The following MRAP2 variants were observed in gnomAD, a reference collection of about 807,000 sequenced individuals.
MRAP2 encodes melanocortin 2 receptor accessory protein 2.
In MRAP2, 20 loss-of-function variants were observed where a neutral mutation model predicts 17.4. The observed-to-expected ratio is 1.15, with a 90% CI of 0.81 to 1.67. The LOEUF is 1.67. Ranked by LOEUF, MRAP2 falls within the 40% of genes most tolerant of loss-of-function variation. The pLI is 0.00. For synonymous variants in MRAP2, 96 were observed against 88.4 expected, an observed-to-expected ratio of 1.09 and a Z score of -0.48; for missense variants, 238 against 240.0, an observed-to-expected ratio of 0.99 and a Z score of 0.05.
chr6:84,050,740 G>C (rs1204139514), intron 1 of MRAP2, among the ~76,000 whole-genome samples: 1 of 152,224 alleles, frequency 6.6e-6, no homozygotes, highest in Non-Finnish European at 1.5e-5. Context: ...GACCTTTCTG[G>C]CCTGGGCCAG....
chr6:84,116,774 T>G, the MRAP2 span, among the ~76,000 whole-genome samples: 1 of 152,234 alleles, frequency 6.6e-6, no homozygotes, highest in Non-Finnish European at 1.5e-5. Flanking sequence ...AGTTTTCTTA[T>G]GTGATGAATC....
chr6:84,078,146 A>G (rs2099498063), intron 3 of MRAP2, among the ~76,000 whole-genome samples: 1 of 152,198 alleles, frequency 6.6e-6, no homozygotes, highest in South Asian at 2.1e-4. Context: ...ATTGATAAAC[A>G]ACTGATTAAA....
At chr6:84,033,706 C>T (rs912818977), upstream of MRAP2, 2 of 985,110 alleles carry the variant, frequency 2.0e-6, no homozygotes, top group Non-Finnish European at 2.4e-6. Context: ...CCTGCTCCGG[C>T]GCCCCGCGCC....
chr6:84,139,122 C>T, the MRAP2 span, among the ~76,000 whole-genome samples: 1 of 152,170 alleles, frequency 6.6e-6, no homozygotes, highest in Non-Finnish European at 1.5e-5. Context: ...GGAAGAAAAG[C>T]TCTCTATCCT....
chr6:84,114,652 C>T, the MRAP2 span, among the ~76,000 whole-genome samples: 2 of 152,078 alleles, frequency 1.3e-5, no homozygotes, highest in Admixed American at 1.3e-4. Flanking sequence ...GGAGAAGAGG[C>T]ATTCTGGTTT....
At chr6:84,063,032 A>G (rs1464811910) in intron 3 of MRAP2, 40 bp downstream of exon 3, 8 of 1,613,000 alleles carry the variant, frequency 5.0e-6, no homozygotes, top group Non-Finnish European at 6.8e-6. Context: ...TAAGCCTCAC[A>G]GGAGACTGAG....
Position 84,083,563 on chromosome 6 carries a change from A to C in MRAP2, c.228-5528A>C, listed in dbSNP as rs185867724. 5.0e-3 allele frequency among the ~76,000 whole-genome samples: 764 copies of C among 152,308 alleles called. 9 individuals are homozygous for C. The highest frequency in any genetic ancestry group is 0.016 in the African/African-American group (675 of 41,570). On this transcript the variant is annotated intron_variant, in intron 3 of 3. Coordinates refer to ENST00000257776, the MANE Select transcript of MRAP2 (RefSeq NM_138409.4). ...GTTTATAATTTTATCACCTTAAAAC[A>C]TCTAGTACAATCTTGATGAACAGTA... is the stretch of plus-strand genomic sequence containing the variant.
chr6:84,070,854 G>A (rs1588648046), intron 3 of MRAP2, among the ~76,000 whole-genome samples: 1 of 152,116 alleles, frequency 6.6e-6, no homozygotes, highest in East Asian at 1.9e-4. Flanking sequence ...TTGCTTTAAA[G>A]TTTGTTTTGT....
intron 2 of MRAP2, among the ~76,000 whole-genome samples, chr6:84,059,919 T>G (rs1038523858): frequency 6.6e-6 from 1 of 152,326 alleles, no homozygotes; most frequent in Non-Finnish European, 1.5e-5. Flanking sequence ...GTAGTGCCTA[T>G]GCCCATGAAA....
chr6:84,126,525 T>C, the MRAP2 span: 1 of 1,488,726 alleles, frequency 6.7e-7, no homozygotes, highest in Non-Finnish European at 9.0e-7. Context: ...AAAATTGACA[T>C]ATGAAGCAAA....
At chr6:84,097,102 TC>T in the MRAP2 span, among the ~76,000 whole-genome samples, 2 of 152,206 alleles carry the variant, frequency 1.3e-5, no homozygotes, top group African/African-American at 4.8e-5. Flanking sequence ...GCTTCCCATT[TC>T]ATGCAGTGAA....
chr6:84,092,795 T>G (rs554834814), downstream of MRAP2, among the ~76,000 whole-genome samples: 1 of 152,236 alleles, frequency 6.6e-6, no homozygotes, highest in East Asian at 1.9e-4. Flanking sequence ...TCAATCCCCA[T>G]TTGGTTGAAA....
At chr6:84,049,228 C>A (rs1406644757) in intron 1 of MRAP2, among the ~76,000 whole-genome samples, 1 of 152,088 alleles carries the variant, frequency 6.6e-6, no homozygotes, top group Non-Finnish European at 1.5e-5. Flanking sequence ...AGTTTGAGAC[C>A]AACCTTGCCA....
In MRAP2 at chr6:84,055,411, A is replaced by G. The variant is rs2099491434; in HGVS notation, c.93A>G (p.Gly31=). 1 of 1,612,938 alleles carries G rather than the reference A, an allele frequency of 6.2e-7. No homozygotes were observed. The highest frequency in any genetic ancestry group is 1.1e-5 in the South Asian group (1 of 90,770). Residue 31 remains glycine, a synonymous_variant, in exon 2 of 4, where the codon GGA becomes GGG. Transcript: ENST00000257776. ...GGGAATATGAATATTATGAGATTGG[A>G]CCAGTTTCCTTTGAAGGACTGAAGG... is the stretch of plus-strand genomic sequence containing the variant. ...YTWEYEYYEI[G]PVSFEGLKAH...
the MRAP2 span, among the ~76,000 whole-genome samples, chr6:84,108,179 C>A: frequency 2.0e-5 from 3 of 152,106 alleles, no homozygotes. Flanking sequence ...ATAACAGAGC[C>A]ATTTATATTC....
At chr6:84,119,168 TTTG>T in the MRAP2 span, among the ~76,000 whole-genome samples, 1 of 152,222 alleles carries the variant, frequency 6.6e-6, no homozygotes, top group Admixed American at 6.5e-5. Flanking sequence ...ACTGAGGTCT[TTTG>T]TGGTTCCATA....
chr6:84,140,818 G>A, the MRAP2 span, among the ~76,000 whole-genome samples: 1 of 152,128 alleles, frequency 6.6e-6, no homozygotes, highest in Non-Finnish European at 1.5e-5. Context: ...GAGTCACTTT[G>A]CCTGGCTGAC....
intron 3 of MRAP2, among the ~76,000 whole-genome samples, chr6:84,082,747 A>G (rs2099499325): frequency 6.6e-6 from 1 of 152,102 alleles, no homozygotes; most frequent in South Asian, 2.1e-4. Flanking sequence ...AGATATGATG[A>G]GGTTTCTCTT....
chr6:84,086,550 A>C (rs2099500507), intron 3 of MRAP2, among the ~76,000 whole-genome samples: 1 of 152,218 alleles, frequency 6.6e-6, no homozygotes, highest in Non-Finnish European at 1.5e-5. Flanking sequence ...GAAAGAAGAA[A>C]CAAATAAAAG....
Sources: gnomAD v4.1 joint callset for allele counts (sites outside exome capture counted in the v4.1 genomes callset) on GRCh38, gnomAD v4.1.1 for gene constraint, MANE v1.5 for transcripts, NCBI Gene and HGNC (gene_info 2026-07-23, HGNC 2026-07-21) for gene names.